Variants in NEBL observed in about 807,000 individuals in gnomAD.
NEBL encodes nebulette, also known as LIM and SH3 protein 2.
A neutral mutation model predicts 140.2 loss-of-function variants in NEBL; 122 were observed. The observed-to-expected ratio is 0.87, with a 90% CI of 0.75 to 1.01. NEBL has a LOEUF of 1.01. Among genes scored for constraint, NEBL ranks in the 50% least tolerant of loss-of-function variants. The probability of loss-of-function intolerance (pLI) is 0.00; values close to 1 mark genes in which losing one functional copy is unlikely to be tolerated. For missense variants in NEBL, 1,365 were observed against 1,231.3 expected (o/e 1.11, Z -1.62); for synonymous variants, 436 against 398.9 (o/e 1.09, Z -1.11).
At chr10:21,021,755 T>C (rs1333705858) in intron 2 of NEBL, among the ~76,000 whole-genome samples, 1 of 152,220 alleles carries the variant, frequency 6.6e-6, no homozygotes, top group Non-Finnish European at 1.5e-5. Context: ...TGCCTCACAG[T>C]ACAACGAAAG....
rs1462078631 is a variant in NEBL, at chr10:21,173,135, G to C, written c.69+630C>G. ...GGCTGTTCATCTCCGTCCCTGCCCG[G>C]GAAGGGCAGGGGGCAGGGCTGGAGG... On this transcript the variant is annotated intron_variant, in intron 1 of 6. Transcript: ENST00000417816. This position sits in a 1 kb window ranked among gnomAD's most constrained non-coding sequence, Gnocchi z 5.7. 6.6e-6 allele frequency among the ~76,000 whole-genome samples: 1 copy of C among 152,166 alleles called. No homozygotes were observed. Among genetic ancestry groups the C allele is most frequent in the African/African-American group, 2.4e-5 (1 of 41,442 alleles).
At chr10:20,793,834 G>A (rs933808158) in intron 26 of NEBL, among the ~76,000 whole-genome samples, 1 of 152,216 alleles carries the variant, frequency 6.6e-6, no homozygotes, top group African/African-American at 2.4e-5. Flanking sequence ...GGGATTACAG[G>A]AGTGAGCCAC....
At chr10:20,917,307 T>C (rs1833350813) in intron 4 of NEBL, among the ~76,000 whole-genome samples, 1 of 152,218 alleles carries the variant, frequency 6.6e-6, no homozygotes, top group South Asian at 2.1e-4. Flanking sequence ...ATTAGCCTGA[T>C]ACATTCCATT....
intron 4 of NEBL, among the ~76,000 whole-genome samples, chr10:20,929,786 C>A (rs376202998): frequency 1.3e-5 from 2 of 152,008 alleles, no homozygotes; most frequent in South Asian, 4.1e-4. Flanking sequence ...TGAAAAGTTA[C>A]GAAATGAGTA....
chr10:20,809,914 A>G lies in NEBL; in HGVS notation c.2519-16T>C, dbSNP rs899057783. On this transcript the variant is annotated splice_polypyrimidine_tract_variant and intron_variant, in intron 24 of 27. Transcript: ENST00000377122. ...ACTTTGAGGTCTTTTGCCAAAAGGAAGAAATCAACACTCATCAAGAAGGAA... is the reference window on the plus strand; with the variant it reads ...ACTTTGAGGTCTTTTGCCAAAAGGAGGAAATCAACACTCATCAAGAAGGAA... 7.6e-6 allele frequency: 12 copies of G among 1,570,242 alleles called. No homozygotes were observed. Among genetic ancestry groups the G allele is most frequent in the East Asian group, 2.2e-5 (1 of 44,606 alleles).
chr10:21,060,152 A>G (rs1336901832), intron 2 of NEBL, among the ~76,000 whole-genome samples: 3 of 152,176 alleles, frequency 2.0e-5, no homozygotes, highest in Non-Finnish European at 2.9e-5. Context: ...GTGCTTCTAA[A>G]TGACAGAAGT....
chr10:21,044,397 TAAAAAAAA>T (rs57176129), intron 2 of NEBL, among the ~76,000 whole-genome samples: 2 of 34,866 alleles, frequency 5.7e-5, no homozygotes, highest in African/African-American at 1.4e-4. Flanking sequence ...AGAGTAAGAA[TAAAAAAAA>T]AAAAAAAAAA....
chr10:21,269,042 C>T (rs994392379), intron 1 of NEBL, among the ~76,000 whole-genome samples: 12 of 152,168 alleles, frequency 7.9e-5, no homozygotes, highest in African/African-American at 2.2e-4. Context: ...GTTTGACCAC[C>T]GCCAGAGCAG....
intron 2 of NEBL, among the ~76,000 whole-genome samples, chr10:21,043,473 T>A (rs1224351139): frequency 2.6e-5 from 4 of 152,252 alleles, no homozygotes; most frequent in African/African-American, 9.6e-5. Flanking sequence ...GGGACAACTT[T>A]AAGATATCAT....
At chr10:21,113,792 A>T (rs1472526016) in intron 2 of NEBL, among the ~76,000 whole-genome samples, 1 of 152,118 alleles carries the variant, frequency 6.6e-6, no homozygotes, top group Non-Finnish European at 1.5e-5. Flanking sequence ...CAGACATGGA[A>T]ATAGTGGGAA....
chr10:21,183,256 C>T (rs933692497), intron 3 of NEBL, among the ~76,000 whole-genome samples: 1 of 151,732 alleles, frequency 6.6e-6, no homozygotes, highest in Non-Finnish European at 1.5e-5. Flanking sequence ...GAGAGAGAGA[C>T]AAGAAGAGGG....
chr10:21,010,378 G>A (rs1838289528), intron 3 of NEBL, among the ~76,000 whole-genome samples: 1 of 152,004 alleles, frequency 6.6e-6, no homozygotes, highest in Non-Finnish European at 1.5e-5. Flanking sequence ...CTGAGTAGGT[G>A]GGACTACAGG....
At chr10:21,094,240 C>T (rs533173015) in intron 2 of NEBL, among the ~76,000 whole-genome samples, 10 of 152,088 alleles carry the variant, frequency 6.6e-5, no homozygotes, top group South Asian at 2.1e-4. Context: ...CGGTGGCTCA[C>T]GCCTGTAATC....
intron 14 of NEBL, among the ~76,000 whole-genome samples, chr10:20,834,512 T>A (rs955717986): frequency 6.6e-6 from 1 of 152,202 alleles, no homozygotes; most frequent in Non-Finnish European, 1.5e-5. Flanking sequence ...ACTCTGGGGA[T>A]GTCAGTCATT....
In NEBL at chr10:20,884,719, G is replaced by C. The variant is rs138638432; in HGVS notation, c.369+3378C>G. Among the ~76,000 whole-genome samples, 9 of 152,356 alleles carry C rather than the reference G, an allele frequency of 5.9e-5. No homozygotes were observed. In the East Asian group the frequency reaches 1.7e-3, roughly 29 times the overall value. ...TGAAACAGAATCCTGTGACCACCGT[G>C]GATGAAACATAGACTCTCATTAAGC... is the stretch of plus-strand genomic sequence containing the variant. On this transcript the variant is annotated intron_variant, in intron 4 of 27. Coordinates refer to ENST00000377122, the MANE Select transcript of NEBL (RefSeq NM_006393.3).
chr10:20,938,126 T>C (rs916321762), intron 4 of NEBL, among the ~76,000 whole-genome samples: 6 of 152,154 alleles, frequency 3.9e-5, no homozygotes, highest in Non-Finnish European at 8.8e-5. Flanking sequence ...GATCTGAGAA[T>C]GGACAGACTA....
intron 1 of NEBL, among the ~76,000 whole-genome samples, chr10:21,257,066 C>T (rs1196455096): frequency 6.6e-6 from 1 of 152,168 alleles, no homozygotes; most frequent in Non-Finnish European, 1.5e-5. Flanking sequence ...AGGGCTTTTG[C>T]TTCAGAGTGC....
chr10:20,787,381 A>C, intron 26 of NEBL, 73 bp from the exon 27 acceptor site: 1 of 1,168,776 alleles, frequency 8.6e-7, no homozygotes, highest in Non-Finnish European at 1.3e-6. Flanking sequence ...AAACCCTCAG[A>C]GTGATGTTAT....
At chr10:21,165,896 G>A (rs1179148715) in intron 2 of NEBL, among the ~76,000 whole-genome samples, 1 of 152,136 alleles carries the variant, frequency 6.6e-6, no homozygotes, top group Non-Finnish European at 1.5e-5. Flanking sequence ...GCTCTCTGAT[G>A]TATGGAGCAT....
Sources: gnomAD v4.1 joint callset for allele counts (sites outside exome capture counted in the v4.1 genomes callset) on GRCh38, gnomAD v4.1.1 for gene constraint, Gnocchi (gnomAD v3.1) non-coding constraint, MANE v1.5 for transcripts, NCBI Gene and HGNC (gene_info 2026-07-23, HGNC 2026-07-21) for gene names.